SPEN: variants seen among roughly 807,000 people sequenced by gnomAD.
The protein encoded by SPEN is spen family transcriptional repressor, also known as msx2-interacting protein.
SPEN carries 18 observed loss-of-function variants against 269.9 expected under a neutral mutation model. The ratio of observed to expected loss-of-function variants is 0.07; its 90% CI spans 0.05 to 0.10. The LOEUF is 0.10. SPEN is among the 10% of genes least tolerant of loss of function. The pLI is 1.00. For synonymous variants in SPEN, 1,726 were observed against 1,765.7 expected (o/e 0.98, Z 0.56); for missense variants, 3,822 against 4,631.2 (o/e 0.83, Z 5.07).
In SPEN at chr1:15,928,763, A is replaced by C. The variant is rs1360696488; in HGVS notation, c.2523A>C (p.Glu841Asp). 1 of 1,614,144 alleles carries C rather than the reference A, an allele frequency of 6.2e-7. No homozygotes were observed. The highest frequency in any genetic ancestry group is 1.7e-5 in the Admixed American group (1 of 60,024). The change falls in exon 11 of 15, where the codon GAA becomes GAC. Residue 841 changes from glutamate to aspartate, a missense_variant. Physicochemically the swap from Glu to Asp is conservative, Grantham distance 45. Coordinates refer to ENST00000375759, the MANE Select transcript of SPEN (RefSeq NM_015001.3). The surrounding 1 kb of genome is among the most constrained non-coding windows in gnomAD (Gnocchi z 5.7). ...CTCAGTCTTCAGAAACGGACCAAGAAAATGAGCGAGAGCAAAGCCCTGAAA... is the reference window on the plus strand; with the variant it reads ...CTCAGTCTTCAGAAACGGACCAAGACAATGAGCGAGAGCAAAGCCCTGAAA... ...PSSQSSETDQ[E>D]NEREQSPEKP...
intron 3 of SPEN, among the ~76,000 whole-genome samples, chr1:15,906,453 C>CTTTTTTTTTTTTTT (rs200731520): frequency 1.6e-4 from 15 of 92,538 alleles, no homozygotes; most frequent in East Asian, 2.8e-4. Flanking sequence ...TCTTTCTTTC[C>CTTTTTTTTTTTTTT]TTTTTTTTTT....
At chr1:15,923,124 T>G (rs2071135093) in intron 10 of SPEN, among the ~76,000 whole-genome samples, 1 of 152,178 alleles carries the variant, frequency 6.6e-6, no homozygotes, top group South Asian at 2.1e-4. Flanking sequence ...AGAGCTTTAT[T>G]TTAAAGTTGA....
At chr1:15,938,230 A>C (rs572249314) in intron 13 of SPEN, among the ~76,000 whole-genome samples, 1 of 152,220 alleles carries the variant, frequency 6.6e-6, no homozygotes, top group South Asian at 2.1e-4. Flanking sequence ...CAGCCTCCTG[A>C]GTAGCTGGGA....
intron 3 of SPEN, among the ~76,000 whole-genome samples, chr1:15,878,405 C>T (rs2070653707): frequency 6.6e-6 from 1 of 152,122 alleles, no homozygotes; most frequent in Admixed American, 6.5e-5. Context: ...TTCAAACATT[C>T]TGGAAGATTT....
intron 3 of SPEN, among the ~76,000 whole-genome samples, chr1:15,894,672 C>T (rs1443118894): frequency 6.6e-6 from 1 of 150,492 alleles, no homozygotes; most frequent in Non-Finnish European, 1.5e-5. Context: ...TCCAGAATAG[C>T]TGGGATTACA....
chr1:15,884,158 TAAC>T (rs1441274019), intron 3 of SPEN, among the ~76,000 whole-genome samples: 1 of 152,152 alleles, frequency 6.6e-6, no homozygotes, highest in Non-Finnish European at 1.5e-5. Flanking sequence ...TTCTGGATTT[TAAC>T]AACAGATATA....
In SPEN at chr1:15,873,057, G is replaced by A; in HGVS notation, c.325G>A (p.Gly109Arg). ...TAGTAGAGAGGTTTCTGGGTTCAGAGGAGGTGGTGGAGGGCCTGCTTATGG... is the reference window on the plus strand; with the variant it reads ...TAGTAGAGAGGTTTCTGGGTTCAGAAGAGGTGGTGGAGGGCCTGCTTATGG... Reference protein sequence around the residue: ...SRSREVSGFRGGGGGPAYGPP... With the variant: ...SRSREVSGFRRGGGGPAYGPP... Residue 109 changes from glycine (G) to arginine (R), a missense_variant, in exon 2 of 15, where the codon GGA becomes AGA. Physicochemically the swap from Gly to Arg is moderately radical, Grantham distance 125 (BLOSUM62 -2). Coordinates refer to ENST00000375759, the MANE Select transcript of SPEN (RefSeq NM_015001.3). The A allele has an allele frequency of 6.2e-7, 1 of 1,614,190 alleles. No homozygotes were observed. Among genetic ancestry groups the A allele is most frequent in the South Asian group, 1.1e-5 (1 of 91,078 alleles).
At position 15,928,966 on chromosome 1, in the gene SPEN, A is replaced by G. The variant is rs200414729; in HGVS notation, c.2726A>G (p.Lys909Arg). 1.2e-6 allele frequency: 2 copies of G among 1,614,234 alleles called. No individual in the cohort carries two copies. The highest frequency in any genetic ancestry group is 1.7e-6 in the Non-Finnish European group (2 of 1,180,040). Residue 909 changes from lysine to arginine, a missense_variant, in exon 11 of 15, where the codon AAA (lysine) becomes AGA (arginine). This residue lies in a region of SPEN where 572 missense variants were observed against 582.6 expected (regional missense o/e 0.98). Transcript: ENST00000375759. This position sits in a 1 kb window ranked among gnomAD's most constrained non-coding sequence, Gnocchi z 5.7. Reference sequence around the variant, plus strand: ...GCCAAGCTTGATAATGACACTGTCAAATCTTCTGCCCTGGACCAGAAACTT... The same window carrying G: ...GCCAAGCTTGATAATGACACTGTCAGATCTTCTGCCCTGGACCAGAAACTT... ...LKAKLDNDTVKSSALDQKLQV... is the reference protein window; with the variant it reads ...LKAKLDNDTVRSSALDQKLQV...
chr1:15,859,903 A>ATTTTTTTTTTT (rs1557734352), intron 1 of SPEN, among the ~76,000 whole-genome samples: 1 of 59,304 alleles, frequency 1.7e-5, no homozygotes, highest in African/African-American at 8.0e-5. Context: ...ATCAGTTAAC[A>ATTTTTTTTTTT]TCTTTTTTTT....
chr1:15,880,987 A>AT (rs1022815928), intron 3 of SPEN, among the ~76,000 whole-genome samples: 32 of 150,060 alleles, frequency 2.1e-4, no homozygotes, highest in South Asian at 8.4e-4. Context: ...TGTGGTAATG[A>AT]TTTTTTTTTT....
chr1:15,916,553 G>A (rs1325562985), intron 6 of SPEN, among the ~76,000 whole-genome samples: 5 of 125,690 alleles, frequency 4.0e-5, no homozygotes, highest in African/African-American at 1.6e-4. Context: ...CTCTGTCTCC[G>A]AGCCTGGAGT....
chr1:15,922,032 CTT>C (rs1010851287), intron 9 of SPEN, among the ~76,000 whole-genome samples: 4 of 152,086 alleles, frequency 2.6e-5, no homozygotes, highest in African/African-American at 7.2e-5. Context: ...GGGTTTGAAA[CTT>C]TATAAATTTC....
chr1:15,898,834 G>A (rs940322835), intron 3 of SPEN, among the ~76,000 whole-genome samples: 3 of 151,938 alleles, frequency 2.0e-5, no homozygotes, highest in Non-Finnish European at 2.9e-5. Flanking sequence ...AAGTGCTGGG[G>A]TTACAGGCGT....
At chr1:15,893,853 A>C (rs998566538) in intron 3 of SPEN, among the ~76,000 whole-genome samples, 7 of 152,204 alleles carry the variant, frequency 4.6e-5, no homozygotes, top group Admixed American at 2.0e-4. Flanking sequence ...GCCTTGGTCA[A>C]CATGGCAAAA....
chr1:15,928,425 G>T lies in SPEN; in HGVS notation c.2185G>T (p.Val729Phe), dbSNP rs764181934. ...RRPIERSQSP[V>F]HLRRPQSPGA... Reference sequence around the variant, plus strand: ...GCCGATTGAACGAAGTCAAAGTCCTGTTCACTTGCGACGTCCACAGAGTCC... The same window carrying T: ...GCCGATTGAACGAAGTCAAAGTCCTTTTCACTTGCGACGTCCACAGAGTCC... Residue 729 changes from valine to phenylalanine, a missense_variant, in exon 11 of 15, where the codon GTT becomes TTT. Around this residue, in one of 16 missense-constraint regions of SPEN, gnomAD observed 572 missense variants for 582.6 expected, o/e 0.98. Coordinates refer to ENST00000375759, the MANE Select transcript of SPEN (RefSeq NM_015001.3). This position sits in a 1 kb window ranked among gnomAD's most constrained non-coding sequence, Gnocchi z 5.7. 6.2e-7 allele frequency: 1 copy of T among 1,614,146 alleles called. No homozygotes were observed. The highest frequency in any genetic ancestry group is 1.7e-5 in the Admixed American group (1 of 60,034).
chr1:15,848,124 AG>A lies in SPEN; in HGVS notation c.58del (p.Glu20ArgfsTer78). ...GCAACTTACCCGAGAACGTGCGGGA[AG>A]AGAAGATCATCGAGCATTTCAAACG... ...VGNLPENVREEKIIEHFKRYG... is the reference protein window; with the variant it reads ...VGNLPENVREXKIIEHFKRYG... On this transcript the variant is annotated frameshift_variant, in exon 1 of 15. Transcript: ENST00000375759. LOFTEE classifies it high-confidence loss of function. The surrounding 1 kb of genome is among the most constrained non-coding windows in gnomAD (Gnocchi z 5.1). The A allele has an allele frequency of 6.7e-7, 1 of 1,498,870 alleles. No individual in the cohort carries two copies. Among genetic ancestry groups the A allele is most frequent in the Non-Finnish European group, 9.0e-7 (1 of 1,116,124 alleles). The allele number at this position is 1,498,870 out of a possible 1,614,324, so 92.8% of individuals were successfully genotyped here.
At chr1:15,916,800 A>G (rs1367850242) in intron 6 of SPEN, among the ~76,000 whole-genome samples, 1 of 152,134 alleles carries the variant, frequency 6.6e-6, no homozygotes, top group Non-Finnish European at 1.5e-5. Flanking sequence ...TGTGGATTGA[A>G]AGGAAAATCT....
intron 3 of SPEN, among the ~76,000 whole-genome samples, chr1:15,899,646 A>G (rs1399253183): frequency 6.7e-6 from 1 of 149,274 alleles, no homozygotes; most frequent in African/African-American, 2.5e-5. Context: ...AGTGTCAACT[A>G]CAAGTATGAG....
At chr1:15,919,303 T>C (rs2071094676) in intron 7 of SPEN, 101 bp from the exon 8 acceptor site, 2 of 797,112 alleles carry the variant, frequency 2.5e-6, no homozygotes, top group South Asian at 1.9e-5. Context: ...GAGATGTTGA[T>C]TTGATAAGAT....
Sources: gnomAD v4.1 joint callset for allele counts (sites outside exome capture counted in the v4.1 genomes callset) on GRCh38, gnomAD v4.1.1 for gene constraint, gnomAD v4.1.1 regional missense constraint, Gnocchi (gnomAD v3.1) non-coding constraint, MANE v1.5 for transcripts, NCBI Gene and HGNC (gene_info 2026-07-23, HGNC 2026-07-21) for gene names.